The following NPAS3 variants were observed in gnomAD, a reference collection of about 807,000 sequenced individuals.
NPAS3 encodes neuronal PAS domain-containing protein 3.
NPAS3 carries 14 observed loss-of-function variants against 73.1 expected under a neutral mutation model. That is an observed-to-expected ratio of 0.19 (90% CI 0.13 to 0.30). NPAS3 has a LOEUF of 0.30. Among genes scored for constraint, NPAS3 ranks in the 10% least tolerant of loss-of-function variants. NPAS3 has a pLI of 1.00. For missense variants in NPAS3, 1,096 were observed against 1,250.0 expected (o/e 0.88, Z 1.86); for synonymous variants, 620 against 541.5 (o/e 1.14, Z -2.01).
intron 3 of NPAS3, among the ~76,000 whole-genome samples, chr14:33,280,361 C>T (rs2041544794): frequency 1.3e-5 from 2 of 151,988 alleles, no homozygotes; most frequent in South Asian, 4.2e-4. Context: ...AAGATTTAAG[C>T]ATTAGTGTTG....
chr14:33,298,062 A>C (rs1001231410), intron 3 of NPAS3, among the ~76,000 whole-genome samples: 1 of 152,170 alleles, frequency 6.6e-6, no homozygotes, highest in Non-Finnish European at 1.5e-5. Flanking sequence ...TGGGTGGATC[A>C]CCTGAGGTCA....
chr14:33,681,270 T>A (rs188209574), intron 6 of NPAS3, among the ~76,000 whole-genome samples: 1 of 152,346 alleles, frequency 6.6e-6, no homozygotes, highest in African/African-American at 2.4e-5. Context: ...GGGTGAATTA[T>A]TTACCATCTG....
intron 5 of NPAS3, among the ~76,000 whole-genome samples, chr14:33,641,377 C>CT (rs2058671325): frequency 1.3e-5 from 2 of 152,250 alleles, no homozygotes; most frequent in African/African-American, 4.8e-5. Context: ...TTTAATCAAG[C>CT]TGCAAATGTT....
intron 4 of NPAS3, among the ~76,000 whole-genome samples, chr14:33,485,487 C>T (rs1022378513): frequency 2.0e-5 from 3 of 152,132 alleles, no homozygotes. Flanking sequence ...CTTCTGGAAA[C>T]TTTGGATCTA....
At chr14:33,516,351 C>T (rs1226689576) in intron 4 of NPAS3, among the ~76,000 whole-genome samples, 2 of 152,136 alleles carry the variant, frequency 1.3e-5, no homozygotes, top group African/African-American at 2.4e-5. Context: ...AAAAAGGGAG[C>T]ATTCTTTACT....
intron 9 of NPAS3, chr14:33,780,863 G>T: frequency 7.8e-6 from 2 of 254,888 alleles, no homozygotes; most frequent in South Asian, 4.0e-5. Context: ...GAGAAGGTAT[G>T]CTTTCAAATT....
chr14:33,086,017 C>A (rs1020349040), intron 2 of NPAS3, among the ~76,000 whole-genome samples: 1 of 152,132 alleles, frequency 6.6e-6, no homozygotes, highest in Non-Finnish European at 1.5e-5. Context: ...ATTTTACAAA[C>A]ATGCTTTCCA....
intron 6 of NPAS3, among the ~76,000 whole-genome samples, chr14:33,689,992 G>C (rs572515079): frequency 6.6e-6 from 1 of 152,222 alleles, no homozygotes; most frequent in Admixed American, 6.5e-5. Context: ...CAATAATTTA[G>C]CTGATGAATA....
At chr14:33,448,550 C>T (rs1277199040) in intron 4 of NPAS3, among the ~76,000 whole-genome samples, 1 of 152,114 alleles carries the variant, frequency 6.6e-6, no homozygotes, top group Non-Finnish European at 1.5e-5. Context: ...TGATACATAG[C>T]GCTGTGGTTG....
intron 1 of NPAS3, among the ~76,000 whole-genome samples, chr14:32,993,511 A>G (rs573179985): frequency 9.6e-4 from 146 of 152,300 alleles, no homozygotes; most frequent in African/African-American, 3.4e-3. Flanking sequence ...ATTATAAGCA[A>G]ATGCGCAAAG....
At chr14:33,379,773 T>G (rs1374021726) in intron 4 of NPAS3, among the ~76,000 whole-genome samples, 1 of 152,168 alleles carries the variant, frequency 6.6e-6, no homozygotes, top group Non-Finnish European at 1.5e-5. Flanking sequence ...CATCCTGGAC[T>G]AGTAGTAGTC....
In NPAS3 at chr14:33,575,666, A is replaced by G. The variant is rs1445777825; in HGVS notation, c.558+15456A>G. 2.0e-5 allele frequency among the ~76,000 whole-genome samples: 3 copies of G among 152,308 alleles called. No individual in the cohort carries two copies. The East Asian group carries it at 5.8e-4, about 29-fold the overall frequency. On this transcript the variant is annotated intron_variant, in intron 5 of 11. Transcript: ENST00000356141. ...TTGTTTGCTTTGTTGTTTGGAGCTT[A>G]TTTTATGGTGAAAAATTTTTAAATG...
At chr14:33,110,663 G>T (rs1038962001) in intron 2 of NPAS3, among the ~76,000 whole-genome samples, 17 of 152,116 alleles carry the variant, frequency 1.1e-4, no homozygotes, top group Admixed American at 9.8e-4. Context: ...GACCTGCACA[G>T]TTCCTAACTT....
At chr14:33,100,546 G>C (rs1470692673) in intron 2 of NPAS3, among the ~76,000 whole-genome samples, 2 of 152,022 alleles carry the variant, frequency 1.3e-5, no homozygotes, top group Non-Finnish European at 2.9e-5. Context: ...TGGGTAAACT[G>C]TTACCTATTT....
At chr14:33,349,012 G>A (rs566878866) in intron 3 of NPAS3, among the ~76,000 whole-genome samples, 3 of 152,254 alleles carry the variant, frequency 2.0e-5, no homozygotes, top group South Asian at 2.1e-4. Context: ...AACCACGAGT[G>A]GGCATCCATC....
At chr14:33,108,195 ATTT>A (rs11373741) in intron 2 of NPAS3, among the ~76,000 whole-genome samples, 1 of 140,416 alleles carries the variant, frequency 7.1e-6, no homozygotes, top group African/African-American at 2.6e-5. Context: ...TATTGTTCTG[ATTT>A]TTTTTTTTTT....
chr14:33,103,201 A>T (rs2042627630), intron 2 of NPAS3, among the ~76,000 whole-genome samples: 1 of 152,160 alleles, frequency 6.6e-6, no homozygotes, highest in Admixed American at 6.5e-5. Flanking sequence ...GGCTCTCATG[A>T]CAAATAGATG....
chr14:33,011,610 G>A (rs1198758821), intron 1 of NPAS3, among the ~76,000 whole-genome samples: 1 of 151,868 alleles, frequency 6.6e-6, no homozygotes, highest in Non-Finnish European at 1.5e-5. Context: ...TGACATTGTT[G>A]GAGGACCTGC....
intron 3 of NPAS3, among the ~76,000 whole-genome samples, chr14:33,247,919 C>G (rs1338452269): frequency 6.6e-6 from 1 of 152,130 alleles, no homozygotes; most frequent in Non-Finnish European, 1.5e-5. Context: ...CACCCCAAAC[C>G]CAGGAGGGCA....
Sources: allele counts gnomAD v4.1 joint callset (sites outside exome capture counted in the v4.1 genomes callset), GRCh38; gene constraint gnomAD v4.1.1; transcripts MANE v1.5; gene names NCBI Gene and HGNC (gene_info 2026-07-23, HGNC 2026-07-21).